Variants in NLGN4Y observed in about 807,000 individuals in gnomAD.
NLGN4Y encodes neuroligin 4 Y-linked, also known as neuroligin-4, Y-linked.
In NLGN4Y, 4 loss-of-function variants were observed where a neutral mutation model predicts 8.4. The observed-to-expected ratio is 0.48, with a 90% confidence interval of 0.23 to 1.09. The LOEUF (loss-of-function observed/expected upper bound fraction) is 1.09. Among genes scored for constraint, NLGN4Y ranks in the 50% least tolerant of loss-of-function variants. The pLI is 0.19. For synonymous variants in NLGN4Y, 35 were observed against 75.6 expected (o/e 0.46, Z 2.78); for missense variants, 90 against 192.3 (o/e 0.47, Z 3.15).
chrY:14,794,069 C>G, intron 4 of NLGN4Y: 1 of 29,304 alleles, frequency 3.4e-5, no homozygotes, highest in Non-Finnish European at 8.0e-5. Context: ...AAGAATGTAT[C>G]ATTTTTTATG....
intron 4 of NLGN4Y, among the ~76,000 whole-genome samples, chrY:14,795,945 T>C: frequency 3.1e-5 from 1 of 32,655 alleles, no homozygotes; most frequent in African/African-American, 1.2e-4. Flanking sequence ...AGGTCTTCCA[T>C]GGGTGAAATC....
chrY:14,758,699 A>G, intron 4 of NLGN4Y, among the ~76,000 whole-genome samples: 1 of 32,813 alleles, frequency 3.0e-5, no homozygotes. Flanking sequence ...TAGCATGATC[A>G]TGGTTCATTG....
chrY:14,626,644 C>T, intron 2 of NLGN4Y, among the ~76,000 whole-genome samples: 1 of 33,592 alleles, frequency 3.0e-5, no homozygotes, highest in African/African-American at 1.2e-4. Flanking sequence ...GCGCTGTGTG[C>T]TTTGGGCAGC....
At chrY:14,787,193 T>G in intron 4 of NLGN4Y, among the ~76,000 whole-genome samples, 3 of 31,353 alleles carry the variant, frequency 9.6e-5, no homozygotes, top group East Asian at 1.7e-3. Flanking sequence ...ACTTTTTATT[T>G]TTATTATCTT....
intron 1 of NLGN4Y, among the ~76,000 whole-genome samples, chrY:14,579,395 T>C (rs1006927398): frequency 3.9e-4 from 13 of 32,971 alleles, no homozygotes; most frequent in Non-Finnish European, 6.7e-4. Context: ...TCAGGAGTAA[T>C]TGCACAGTTA....
intron 3 of NLGN4Y, among the ~76,000 whole-genome samples, chrY:14,719,845 A>G: frequency 3.2e-5 from 1 of 31,449 alleles, no homozygotes; most frequent in Non-Finnish European, 7.8e-5. Context: ...TAAAGAATGC[A>G]TGTATAGTCT....
intron 4 of NLGN4Y, chrY:14,801,404 TTTTTTTGTTTG>T (rs2043030389): frequency 3.2e-5 from 1 of 30,993 alleles, no homozygotes; most frequent in African/African-American, 1.3e-4. Context: ...CCTCCTGTTT[TTTTTTTGTTTG>T]TTTTTTGTTT....
intron 1 of NLGN4Y, among the ~76,000 whole-genome samples, chrY:14,530,756 G>C (rs1000468907): frequency 3.0e-5 from 1 of 33,534 alleles, no homozygotes; most frequent in Non-Finnish European, 7.4e-5. Flanking sequence ...CTGAGAGACT[G>C]TTCCCATTGA....
chrY:14,798,688 T>G, intron 4 of NLGN4Y: 1 of 34,007 alleles, frequency 2.9e-5, no homozygotes, highest in African/African-American at 1.1e-4. Context: ...AATAATTATA[T>G]CTTATGTAGA....
chrY:14,732,754 A>G, intron 4 of NLGN4Y, among the ~76,000 whole-genome samples: 1 of 33,399 alleles, frequency 3.0e-5, no homozygotes, highest in Non-Finnish European at 7.4e-5. Flanking sequence ...TGATAGGCAC[A>G]TGGGATAATA....
chrY:14,815,177 C>T, intron 4 of NLGN4Y, among the ~76,000 whole-genome samples: 1 of 33,121 alleles, frequency 3.0e-5, no homozygotes. Context: ...TCCCATACTC[C>T]TAGAGTACTT....
intron 4 of NLGN4Y, among the ~76,000 whole-genome samples, chrY:14,746,706 C>A (rs2081025295): frequency 3.0e-5 from 1 of 32,924 alleles, no homozygotes; most frequent in Non-Finnish European, 7.5e-5. Flanking sequence ...GGACACTTGC[C>A]CATAGCAATG....
intron 4 of NLGN4Y, among the ~76,000 whole-genome samples, chrY:14,799,992 C>T: frequency 3.0e-5 from 1 of 33,329 alleles, no homozygotes; most frequent in South Asian, 6.8e-4. Flanking sequence ...GTATGAGTTC[C>T]AGAGAGCAAA....
intron 4 of NLGN4Y, among the ~76,000 whole-genome samples, chrY:14,800,078 T>C: frequency 6.0e-5 from 2 of 33,173 alleles, no homozygotes; most frequent in African/African-American, 2.4e-4. Flanking sequence ...TACTCCTTTG[T>C]AGTGTATTAA....
At chrY:14,571,039 A>G (rs2080267383) in intron 1 of NLGN4Y, among the ~76,000 whole-genome samples, 4 of 32,710 alleles carry the variant, frequency 1.2e-4, no homozygotes, top group African/African-American at 3.6e-4. Flanking sequence ...GCTATTGTGA[A>G]TAGTGCAGCA....
At chrY:14,820,016 G>C in intron 4 of NLGN4Y, among the ~76,000 whole-genome samples, 2 of 33,154 alleles carry the variant, frequency 6.0e-5, no homozygotes, top group African/African-American at 2.4e-4. Context: ...AAAAACAAAT[G>C]TGGTTTTGGT....
chrY:14,815,188 G>T (rs2043096036), intron 4 of NLGN4Y, among the ~76,000 whole-genome samples: 1 of 33,214 alleles, frequency 3.0e-5, no homozygotes, highest in East Asian at 7.9e-4. Context: ...TAGAGTACTT[G>T]CCAAGGTACC....
chrY:14,818,630 T>C (rs946623983), intron 4 of NLGN4Y, among the ~76,000 whole-genome samples: 2 of 33,289 alleles, frequency 6.0e-5, no homozygotes, highest in Non-Finnish European at 1.5e-4. Flanking sequence ...GGCAGTGTGC[T>C]TTCCAGTGAT....
intron 2 of NLGN4Y, among the ~76,000 whole-genome samples, chrY:14,684,232 C>A (rs757650727): frequency 1.1e-3 from 37 of 33,665 alleles, no homozygotes; most frequent in African/African-American, 3.8e-3. Flanking sequence ...CTTGAGTGAC[C>A]AGTACTTTCC....
Sources: gnomAD v4.1 joint callset for allele counts (sites outside exome capture counted in the v4.1 genomes callset) on GRCh38, gnomAD v4.1.1 for gene constraint, MANE v1.5 for transcripts, NCBI Gene and HGNC (gene_info 2026-07-23, HGNC 2026-07-21) for gene names.